Variants in RNF220 observed in about 807,000 individuals in gnomAD.
RNF220 encodes E3 ubiquitin-protein ligase RNF220.
In RNF220, 7 loss-of-function variants were observed where a neutral mutation model predicts 67.1. The ratio of observed to expected loss-of-function variants is 0.10; its 90% CI spans 0.06 to 0.20. The LOEUF (loss-of-function observed/expected upper bound fraction) is 0.20, where lower values mean the gene tolerates loss of function less well. Among genes scored for constraint, RNF220 ranks in the 10% least tolerant of loss-of-function variants. RNF220 has a pLI of 1.00. For missense variants in RNF220, 565 were observed against 740.3 expected, an observed-to-expected ratio of 0.76 and a Z score of 2.75; for synonymous variants, 270 against 283.2, an observed-to-expected ratio of 0.95 and a Z score of 0.47.
At chr1:44,427,129 T>C (rs1045606550) in intron 2 of RNF220, among the ~76,000 whole-genome samples, 6 of 152,112 alleles carry the variant, frequency 3.9e-5, no homozygotes, top group Non-Finnish European at 8.8e-5. Flanking sequence ...GTTATCTCCA[T>C]TGTACAGATG....
chr1:44,540,020 T>C (rs1186633353), intron 2 of RNF220, among the ~76,000 whole-genome samples: 5 of 152,250 alleles, frequency 3.3e-5, no homozygotes, highest in African/African-American at 1.2e-4. Flanking sequence ...TGGCAGGTGT[T>C]CTTGCCCACT....
chr1:44,458,359 T>C (rs1178176657), intron 2 of RNF220, among the ~76,000 whole-genome samples: 2 of 150,298 alleles, frequency 1.3e-5, no homozygotes, highest in African/African-American at 4.9e-5. Flanking sequence ...TTTTTACTAA[T>C]ATCATAATGG....
intron 2 of RNF220, among the ~76,000 whole-genome samples, chr1:44,598,571 T>C (rs1379357124): frequency 6.6e-6 from 1 of 152,152 alleles, no homozygotes; most frequent in Non-Finnish European, 1.5e-5. Context: ...GCCCAGGGGT[T>C]CCGGGTGGGG....
At chr1:44,587,792 T>C (rs772212588) in intron 2 of RNF220, among the ~76,000 whole-genome samples, 8 of 152,224 alleles carry the variant, frequency 5.3e-5, no homozygotes, top group Non-Finnish European at 1.2e-4. Context: ...AGGGGCAGTG[T>C]TAAGGATTAG....
At chr1:44,560,340 G>GA (rs1314550513) in intron 2 of RNF220, among the ~76,000 whole-genome samples, 6 of 151,646 alleles carry the variant, frequency 4.0e-5, no homozygotes, top group Non-Finnish European at 7.4e-5. Flanking sequence ...TCCCAAACAG[G>GA]AAAAAAAACA....
intron 5 of RNF220, among the ~76,000 whole-genome samples, chr1:44,628,801 C>G (rs1275356120): frequency 6.6e-6 from 1 of 152,188 alleles, no homozygotes; most frequent in African/African-American, 2.4e-5. Context: ...TCTATTTATC[C>G]TTCCAAATCC....
chr1:44,633,977 T>TCAC (rs775381172), intron 6 of RNF220, among the ~76,000 whole-genome samples: 5 of 152,246 alleles, frequency 3.3e-5, no homozygotes, highest in Non-Finnish European at 7.3e-5. Flanking sequence ...CACAGTCATG[T>TCAC]CACCTATAGT....
chr1:44,626,550 A>T, intron 5 of RNF220, 152 bp downstream of exon 5: 1 of 625,728 alleles, frequency 1.6e-6, no homozygotes, highest in Non-Finnish European at 2.9e-6. Flanking sequence ...CCCCTAAGTG[A>T]ACTCAGGAGG....
In RNF220 at chr1:44,426,686, C is replaced by T. The variant is rs181557638; in HGVS notation, c.625+13964C>T. 8.7e-5 allele frequency among the ~76,000 whole-genome samples: 13 copies of T among 149,454 alleles called. No homozygotes were observed. In the East Asian group the frequency reaches 2.6e-3, roughly 29 times the overall value. ...AGGTTGCAGTGAGCCAAGATTGTGC[C>T]ACTGCACTCCAGCCTGGGTGACACA... On this transcript the variant is annotated intron_variant, in intron 2 of 14. Transcript: ENST00000361799.
chr1:44,421,001 A>T (rs553568059), intron 2 of RNF220, among the ~76,000 whole-genome samples: 1 of 152,222 alleles, frequency 6.6e-6, no homozygotes. Flanking sequence ...CCTTATGGCA[A>T]TGTGGAAAGA....
chr1:44,517,287 C>T (rs1659527765), intron 2 of RNF220, among the ~76,000 whole-genome samples: 1 of 152,098 alleles, frequency 6.6e-6, no homozygotes, highest in Non-Finnish European at 1.5e-5. Context: ...CGCGGCAAGA[C>T]CTGCCCCCTG....
At chr1:44,579,142 C>G (rs975859217) in intron 2 of RNF220, among the ~76,000 whole-genome samples, 1 of 149,842 alleles carries the variant, frequency 6.7e-6, no homozygotes, top group Non-Finnish European at 1.5e-5. Flanking sequence ...GGTGACAGAT[C>G]GAGACTCTGT....
chr1:44,508,103 G>A (rs1045249012), intron 2 of RNF220, among the ~76,000 whole-genome samples: 2 of 151,374 alleles, frequency 1.3e-5, no homozygotes, highest in Admixed American at 1.3e-4. Flanking sequence ...GGTGGAGCAG[G>A]CTGGTTGAAT....
chr1:44,517,239 A>G (rs914812839), intron 2 of RNF220, among the ~76,000 whole-genome samples: 2 of 152,072 alleles, frequency 1.3e-5, no homozygotes, highest in African/African-American at 4.8e-5. Flanking sequence ...AATCTTTTTA[A>G]GAGATATGAC....
At chr1:44,456,341 G>A (rs905592656) in intron 2 of RNF220, among the ~76,000 whole-genome samples, 1 of 152,170 alleles carries the variant, frequency 6.6e-6, no homozygotes, top group Non-Finnish European at 1.5e-5. Context: ...TGAATTTTGT[G>A]CATGGCTTTC....
intron 2 of RNF220, among the ~76,000 whole-genome samples, chr1:44,605,042 C>T (rs1040143911): frequency 1.3e-5 from 2 of 152,192 alleles, no homozygotes; most frequent in Admixed American, 6.5e-5. Context: ...TGGCTCATGC[C>T]TGTAATCCCA....
At chr1:44,570,456 C>A (rs556137563) in intron 2 of RNF220, among the ~76,000 whole-genome samples, 4 of 152,134 alleles carry the variant, frequency 2.6e-5, no homozygotes, top group African/African-American at 7.2e-5. Context: ...ACAGGAGGCA[C>A]GCCATGTGTT....
At chr1:44,478,781 A>G (rs1331528655) in intron 2 of RNF220, among the ~76,000 whole-genome samples, 1 of 152,244 alleles carries the variant, frequency 6.6e-6, no homozygotes, top group East Asian at 1.9e-4. Flanking sequence ...CAGTTCTGAA[A>G]TTCTACTGGG....
chr1:44,510,990 T>C (rs984565554), intron 2 of RNF220, among the ~76,000 whole-genome samples: 4 of 152,198 alleles, frequency 2.6e-5, no homozygotes, highest in Non-Finnish European at 5.9e-5. Flanking sequence ...TTGGCCTGAA[T>C]GGTGCAGAGA....
Sources: allele counts gnomAD v4.1 joint callset (sites outside exome capture counted in the v4.1 genomes callset), GRCh38; gene constraint gnomAD v4.1.1; transcripts MANE v1.5; gene names NCBI Gene and HGNC (gene_info 2026-07-23, HGNC 2026-07-21).